CCDC3: variants seen among roughly 807,000 people sequenced by gnomAD.
CCDC3 encodes the protein coiled-coil domain containing 3, also known as coiled-coil domain-containing protein 3.
CCDC3 carries 24 observed loss-of-function variants against 21.4 expected under a neutral mutation model. The observed-to-expected ratio is 1.12, with a 90% CI of 0.81 to 1.58. The LOEUF (loss-of-function observed/expected upper bound fraction) is 1.58, where lower values mean the gene tolerates loss of function less well. Ranked by LOEUF, CCDC3 falls within the 40% of genes most tolerant of loss-of-function variation. CCDC3 has a pLI of 0.00. For synonymous variants in CCDC3, 186 were observed against 166.0 expected (o/e 1.12, Z -0.93); for missense variants, 425 against 360.9 (o/e 1.18, Z -1.44).
At chr10:12,986,718 A>G (rs1056794074) in intron 2 of CCDC3, among the ~76,000 whole-genome samples, 1 of 151,628 alleles carries the variant, frequency 6.6e-6, no homozygotes, top group Non-Finnish European at 1.5e-5. Context: ...GCTTGCAGTG[A>G]GCCGAGATCG....
chr10:12,918,879 C>T (rs939225068), intron 2 of CCDC3, among the ~76,000 whole-genome samples: 6 of 151,996 alleles, frequency 3.9e-5, no homozygotes, highest in African/African-American at 1.5e-4. Context: ...CGGTGAAACC[C>T]CATCTCTACT....
chr10:12,990,873 G>T (rs1436204788), intron 2 of CCDC3, among the ~76,000 whole-genome samples: 4 of 152,202 alleles, frequency 2.6e-5, no homozygotes, highest in African/African-American at 4.8e-5. Flanking sequence ...TAGGAATACA[G>T]AAAGTTCATT....
At chr10:12,903,357 TTAAGAAA>T (rs1387513448) in intron 2 of CCDC3, among the ~76,000 whole-genome samples, 2 of 152,228 alleles carry the variant, frequency 1.3e-5, no homozygotes, top group Non-Finnish European at 2.9e-5. Flanking sequence ...GTGTGTTTCT[TTAAGAAA>T]TGCTTTCTTT....
intron 4 of CCDC3, among the ~76,000 whole-genome samples, chr10:13,072,863 C>CT (rs1295294736): frequency 2.1e-4 from 14 of 65,618 alleles, no homozygotes; most frequent in Non-Finnish European, 3.1e-4. Flanking sequence ...CTTTTCTTTT[C>CT]TTTCTTTTTT....
chr10:12,899,435 C>A (rs999618169), intron 2 of CCDC3, among the ~76,000 whole-genome samples: 3 of 152,104 alleles, frequency 2.0e-5, no homozygotes, highest in African/African-American at 7.2e-5. Context: ...TGCATATACC[C>A]TTTGATCTAG....
chr10:12,929,327 C>T (rs1378858867), intron 2 of CCDC3, among the ~76,000 whole-genome samples: 1 of 151,346 alleles, frequency 6.6e-6, no homozygotes, highest in Non-Finnish European at 1.5e-5. Context: ...TTTTTGTGCC[C>T]TGTCATGTTA....
chr10:12,918,225 G>A (rs1470309507), intron 2 of CCDC3, among the ~76,000 whole-genome samples: 1 of 152,124 alleles, frequency 6.6e-6, no homozygotes, highest in Non-Finnish European at 1.5e-5. Context: ...AGTGCCATAT[G>A]ACTTTTGTTA....
intron 2 of CCDC3, chr10:13,098,710 A>AATTTTTTTTTT (rs1832666478): frequency 1.5e-5 from 1 of 64,854 alleles, no homozygotes; most frequent in African/African-American, 6.6e-5. Context: ...TCCTGCACTG[A>AATTTTTTTTTT]TTTTTTTTTT....
intron 5 of CCDC3, among the ~76,000 whole-genome samples, chr10:13,021,655 C>T (rs1008392752): frequency 6.6e-6 from 1 of 152,212 alleles, no homozygotes; most frequent in Non-Finnish European, 1.5e-5. Context: ...TGACTTCCAA[C>T]CTCCCATTAT....
At chr10:13,080,094 G>A (rs1199216366) in intron 3 of CCDC3, among the ~76,000 whole-genome samples, 1 of 152,222 alleles carries the variant, frequency 6.6e-6, no homozygotes, top group Non-Finnish European at 1.5e-5. Flanking sequence ...CATCTGCCGA[G>A]CCTCTGGGCC....
intron 2 of CCDC3, among the ~76,000 whole-genome samples, chr10:12,975,547 G>A (rs1411567084): frequency 6.6e-6 from 1 of 152,288 alleles, no homozygotes; most frequent in Non-Finnish European, 1.5e-5. Flanking sequence ...CCCCTGCTCC[G>A]GTTCCAGGAC....
intron 4 of CCDC3, among the ~76,000 whole-genome samples, chr10:13,062,347 C>T (rs2131433352): frequency 1.3e-5 from 2 of 152,298 alleles, no homozygotes; most frequent in East Asian, 3.9e-4. Flanking sequence ...ATGTGGTCCA[C>T]CCATTGTATG....
intron 1 of CCDC3, among the ~76,000 whole-genome samples, chr10:12,999,717 T>G (rs1334825325): frequency 6.6e-6 from 1 of 152,234 alleles, no homozygotes; most frequent in African/African-American, 2.4e-5. Flanking sequence ...TTGGACAAAC[T>G]GTATTTCATG....
intron 2 of CCDC3, among the ~76,000 whole-genome samples, chr10:12,947,558 G>C (rs1053047695): frequency 3.3e-5 from 5 of 152,180 alleles, no homozygotes; most frequent in Non-Finnish European, 7.3e-5. Context: ...TGTCACCTCA[G>C]CTACAGGCCA....
At chr10:13,045,883 G>A (rs1312376861) in intron 5 of CCDC3, among the ~76,000 whole-genome samples, 1 of 151,890 alleles carries the variant, frequency 6.6e-6, no homozygotes, top group Non-Finnish European at 1.5e-5. Flanking sequence ...GAGGTCAAGA[G>A]TTCAAGACCA....
At chr10:12,950,994 T>C (rs1226625417) in intron 2 of CCDC3, among the ~76,000 whole-genome samples, 1 of 152,148 alleles carries the variant, frequency 6.6e-6, no homozygotes, top group Non-Finnish European at 1.5e-5. Flanking sequence ...AAGGTTGAGC[T>C]TTCTCTGGCT....
intron 4 of CCDC3, among the ~76,000 whole-genome samples, chr10:13,063,471 T>C (rs916899865): frequency 4.6e-5 from 7 of 152,174 alleles, no homozygotes; most frequent in South Asian, 2.1e-4. Flanking sequence ...CAACCTTCTC[T>C]AGGGGCAGAT....
At chr10:12,960,168 A>ACACACAACACACACACAC in intron 2 of CCDC3, among the ~76,000 whole-genome samples, 1 of 148,854 alleles carries the variant, frequency 6.7e-6, no homozygotes, top group African/African-American at 2.5e-5. Flanking sequence ...ACACACACAC[A>ACACACAACACACACACAC]ACACACACAC....
intron 2 of CCDC3, among the ~76,000 whole-genome samples, chr10:12,964,272 T>C (rs1017375598): frequency 6.6e-6 from 1 of 151,856 alleles, no homozygotes; most frequent in Non-Finnish European, 1.5e-5. Flanking sequence ...CTCAGGAGGC[T>C]GAGGCAGGAG....
Sources: allele counts gnomAD v4.1 joint callset (sites outside exome capture counted in the v4.1 genomes callset), GRCh38; gene constraint gnomAD v4.1.1; transcripts MANE v1.5; gene names NCBI Gene and HGNC (gene_info 2026-07-23, HGNC 2026-07-21).